TDRD5: variants seen among roughly 807,000 people sequenced by gnomAD.
TDRD5 encodes the protein tudor domain-containing protein 5.
TDRD5 carries 41 observed loss-of-function variants against 120.6 expected under a neutral mutation model. The ratio of observed to expected loss-of-function variants is 0.34; its 90% CI spans 0.26 to 0.44. The LOEUF (loss-of-function observed/expected upper bound fraction) is 0.44. Among genes scored for constraint, TDRD5 ranks in the 20% least tolerant of loss-of-function variants. TDRD5 has a pLI of 1.00. For synonymous variants in TDRD5, 430 were observed against 433.7 expected (o/e 0.99, Z 0.11); for missense variants, 1,006 against 1,221.2 (o/e 0.82, Z 2.63).
intron 1 of TDRD5, 123 bp from the exon 2 acceptor site, chr1:179,592,479 A>G (rs1375641024): frequency 5.5e-6 from 4 of 731,620 alleles, no homozygotes; most frequent in South Asian, 1.8e-5. Flanking sequence ...CCCTCATACT[A>G]CTACTTCTGC....
chr1:179,627,549 T>C (rs943108084), intron 6 of TDRD5, among the ~76,000 whole-genome samples: 1 of 152,202 alleles, frequency 6.6e-6, no homozygotes, highest in African/African-American at 2.4e-5. Flanking sequence ...AAATTGTGTA[T>C]ACAAGGATAT....
chr1:179,650,955 G>A lies in TDRD5; in HGVS notation c.1889G>A (p.Gly630Glu). ...LVGVVDEYVD[G>E]ILNIFLCDTS... ...GGGGTAGTGGATGAATATGTAGATG[G>A]AATCCTTAACATTTTTTTGTGTGAC... Residue 630 changes from glycine (G) to glutamate (E), a missense_variant, in exon 12 of 18, where the codon GGA (glycine) becomes GAA (glutamate). By Grantham distance (98) the Gly-to-Glu change is moderately conservative (BLOSUM62 -2). Transcript: ENST00000444136. 1 of 1,614,132 alleles carries A rather than the reference G, an allele frequency of 6.2e-7. No homozygotes were observed.
intron 11 of TDRD5, among the ~76,000 whole-genome samples, chr1:179,645,717 AGT>A (rs1678322100): frequency 6.6e-6 from 1 of 152,136 alleles, no homozygotes; most frequent in Admixed American, 6.5e-5. Flanking sequence ...TTCTTCCTAT[AGT>A]TCAGTCAGTT....
At chr1:179,668,341 A>G (rs1239949649) in intron 16 of TDRD5, among the ~76,000 whole-genome samples, 4 of 152,190 alleles carry the variant, frequency 2.6e-5, no homozygotes, top group Non-Finnish European at 4.4e-5. Flanking sequence ...CCTTAGGGAC[A>G]GGGATCCTGT....
chr1:179,674,901 T>C (rs1680040580), intron 17 of TDRD5, among the ~76,000 whole-genome samples: 1 of 152,216 alleles, frequency 6.6e-6, no homozygotes, highest in African/African-American at 2.4e-5. Context: ...CCATTTCATT[T>C]CTAATTGAGT....
intron 13 of TDRD5, 40 bp downstream of exon 13, chr1:179,652,237 T>C (rs1678762969): frequency 3.2e-6 from 5 of 1,546,144 alleles, no homozygotes; most frequent in Non-Finnish European, 4.3e-6. Flanking sequence ...TTCTTTTTAT[T>C]ACTGTAATCC....
chr1:179,594,284 A>G (rs955419178), intron 3 of TDRD5, among the ~76,000 whole-genome samples: 4 of 152,220 alleles, frequency 2.6e-5, no homozygotes, highest in African/African-American at 9.6e-5. Flanking sequence ...AATCTTTGCC[A>G]TCACTGGGGC....
chr1:179,668,821 C>T (rs1279757999), intron 16 of TDRD5, among the ~76,000 whole-genome samples: 2 of 146,184 alleles, frequency 1.4e-5, no homozygotes, highest in Admixed American at 7.2e-5. Flanking sequence ...CGGCTCACTG[C>T]AACCTGCGCC....
At chr1:179,628,324 C>CTTTTTTTTT (rs71569258) in intron 6 of TDRD5, among the ~76,000 whole-genome samples, 58 of 54,592 alleles carry the variant, frequency 1.1e-3, no homozygotes, top group African/African-American at 1.4e-3. Flanking sequence ...CTTTTCTTTT[C>CTTTTTTTTT]TTTTTTTTTT....
At chr1:179,639,765 C>T in intron 9 of TDRD5, 74 bp from the exon 10 acceptor site, 1 of 1,507,114 alleles carries the variant, frequency 6.6e-7, no homozygotes. Flanking sequence ...GACTTTCTGG[C>T]TTGATACATT....
At chr1:179,671,276 C>G (rs908563492) in intron 17 of TDRD5, among the ~76,000 whole-genome samples, 2 of 152,132 alleles carry the variant, frequency 1.3e-5, no homozygotes, top group East Asian at 3.8e-4. Context: ...TAATGTTAGT[C>G]CTCCAACTTT....
intron 17 of TDRD5, among the ~76,000 whole-genome samples, chr1:179,690,047 CT>C (rs1339278221): frequency 1.3e-5 from 2 of 152,192 alleles, no homozygotes; most frequent in Non-Finnish European, 2.9e-5. Context: ...GCTCTGTGGG[CT>C]GCCCCCACTG....
At chr1:179,599,530 GCTTT>G (rs1444259816) in intron 4 of TDRD5, among the ~76,000 whole-genome samples, 1 of 150,394 alleles carries the variant, frequency 6.6e-6, no homozygotes, top group Non-Finnish European at 1.5e-5. Flanking sequence ...TGTATTTTAT[GCTTT>G]CTTTTTTTTT....
intron 6 of TDRD5, among the ~76,000 whole-genome samples, chr1:179,627,112 A>G (rs1677171379): frequency 6.6e-6 from 1 of 152,226 alleles, no homozygotes; most frequent in African/African-American, 2.4e-5. Context: ...AAAGGGAGTG[A>G]CTTATATACT....
chr1:179,691,180 C>T lies in TDRD5; in HGVS notation c.*237C>T, dbSNP rs959109135. ...TTTTATTCTGTGTCATTTTGTTCAC[C>T]TTTGTTTTTAATGTAGTTTAAAGGA... is the stretch of plus-strand genomic sequence containing the variant. On this transcript the variant is annotated 3_prime_UTR_variant, in exon 18 of 18. Transcript: ENST00000444136. 2.3e-6 allele frequency: 1 copy of T among 438,276 alleles called. No homozygotes were observed. Among genetic ancestry groups the T allele is most frequent in the Admixed American group, 4.4e-5 (1 of 22,928 alleles). 27.1% of individuals were successfully genotyped at this position (438,276 alleles called of 1,614,324 possible). A position where few individuals can be genotyped will look rare whatever the true frequency, so the allele number is the denominator to read the frequency against.
At chr1:179,676,217 C>T (rs996412148) in intron 17 of TDRD5, among the ~76,000 whole-genome samples, 1 of 152,126 alleles carries the variant, frequency 6.6e-6, no homozygotes, top group African/African-American at 2.4e-5. Flanking sequence ...CTTTTTCCAT[C>T]TCTTTACCTT....
chr1:179,636,940 T>C (rs2102017564), intron 9 of TDRD5, among the ~76,000 whole-genome samples: 1 of 152,328 alleles, frequency 6.6e-6, no homozygotes, highest in South Asian at 2.1e-4. Flanking sequence ...AAATGGCTAG[T>C]TCGTCTTCCA....
intron 6 of TDRD5, among the ~76,000 whole-genome samples, chr1:179,626,858 A>G (rs1677156807): frequency 3.3e-5 from 5 of 152,196 alleles, no homozygotes; most frequent in Admixed American, 2.6e-4. Flanking sequence ...CAAAGAAGGA[A>G]ACAGAATGAA....
rs774894104 is a variant in TDRD5, at chr1:179,627,524, ATAAT to A, written c.973-3240_973-3237del. On this transcript the variant is annotated intron_variant, in intron 6 of 17. Coordinates refer to ENST00000444136, the MANE Select transcript of TDRD5 (RefSeq NM_001199085.3). ...GTATAATTTGATGTAAAGCAAATGAATAATTAGATAATTCAAATTGTGTATACAA... is the reference window on the plus strand; with the variant it reads ...GTATAATTTGATGTAAAGCAAATGAATAGATAATTCAAATTGTGTATACAA... Among the ~76,000 whole-genome samples, 73 of 152,340 alleles carry A rather than the reference ATAAT, an allele frequency of 4.8e-4. 2 individuals carry two copies. In the South Asian group the frequency reaches 9.7e-3, roughly 20 times the overall value.
Sources: allele counts gnomAD v4.1 joint callset (sites outside exome capture counted in the v4.1 genomes callset), GRCh38; gene constraint gnomAD v4.1.1; transcripts MANE v1.5; gene names NCBI Gene and HGNC (gene_info 2026-07-23, HGNC 2026-07-21).